Variants in DOCK3 observed in about 807,000 individuals in gnomAD.
DOCK3 encodes dedicator of cytokinesis protein 3.
In DOCK3, 60 loss-of-function variants were observed where a neutral mutation model predicts 265.6. That is an observed-to-expected ratio of 0.23 (90% CI 0.18 to 0.28). The LOEUF is 0.28. DOCK3 is among the 10% of genes least tolerant of loss of function. The pLI is 1.00. For synonymous variants in DOCK3, 881 were observed against 938.0 expected, an observed-to-expected ratio of 0.94 and a Z score of 1.11; for missense variants, 1,981 against 2,594.3, an observed-to-expected ratio of 0.76 and a Z score of 5.14.
intron 5 of DOCK3, among the ~76,000 whole-genome samples, chr3:51,008,411 G>A (rs138763723): frequency 0.057 from 8,684 of 152,030 alleles, 873 homozygotes; most frequent in African/African-American, 0.2. Context: ...GAGTTCACTC[G>A]TGATTTGGCT....
intron 12 of DOCK3, among the ~76,000 whole-genome samples, chr3:51,190,185 T>G (rs1456091408): frequency 6.6e-6 from 1 of 152,214 alleles, no homozygotes; most frequent in East Asian, 1.9e-4. Flanking sequence ...TGATGTGATG[T>G]ACTCCCCCTT....
chr3:51,225,530 TG>T, intron 14 of DOCK3, 118 bp from the exon 15 acceptor site: 1 of 1,445,146 alleles, frequency 6.9e-7, no homozygotes. Context: ...TAACCAAGCT[TG>T]GAATGCCCTG....
At position 50,841,791 on chromosome 3, in the gene DOCK3, T is replaced by A. The variant is rs2045855922; in HGVS notation, c.162+76T>A. ...GTATGTTTGTTTGATATAACAACTC[T>A]TAGTGGTTCATCTTTTAATCTTTTA... On this transcript the variant is annotated intron_variant, in intron 3 of 52. Transcript: ENST00000266037. 6 of 290,266 alleles carry A rather than the reference T, an allele frequency of 2.1e-5. 2 individuals are homozygous for A. In the Admixed American group the frequency reaches 2.6e-4, roughly 13 times the overall value. The allele number at this position is 290,266 out of a possible 1,614,324, so 18.0% of individuals were successfully genotyped here.
At chr3:50,986,966 C>A (rs2077926511) in intron 5 of DOCK3, among the ~76,000 whole-genome samples, 1 of 152,224 alleles carries the variant, frequency 6.6e-6, no homozygotes, top group Admixed American at 6.5e-5. Flanking sequence ...CATACTAACT[C>A]TGTCCGTTCT....
At chr3:50,970,660 A>G (rs2077170511) in intron 5 of DOCK3, among the ~76,000 whole-genome samples, 1 of 146,664 alleles carries the variant, frequency 6.8e-6, no homozygotes, top group African/African-American at 2.5e-5. Flanking sequence ...TTTTTCATTT[A>G]TGTCCTAAAT....
Position 51,383,755 on chromosome 3 carries a change from T to C in DOCK3, c.*2196T>C, listed in dbSNP as rs1194977079. ...AGAGATGAGAACCCTTTGAAAAGAT[T>C]GTAAAATACTGATTTTCATTCTTTC... On this transcript the variant is annotated 3_prime_UTR_variant, in exon 53 of 53. Transcript: ENST00000266037. 6.6e-6 allele frequency: 1 copy of C among 152,642 alleles called. No homozygotes were observed. The allele number at this position is 152,642 out of a possible 1,614,324, so 9.5% of individuals were successfully genotyped here. A position where few individuals can be genotyped will look rare whatever the true frequency, so the allele number is the denominator to read the frequency against.
intron 9 of DOCK3, among the ~76,000 whole-genome samples, chr3:51,131,103 C>T (rs1477094792): frequency 6.6e-6 from 1 of 152,170 alleles, no homozygotes; most frequent in Admixed American, 6.5e-5. Flanking sequence ...CCCTACCAGT[C>T]AGGAAGCCAA....
In DOCK3 at chr3:51,219,201, G is replaced by A. The variant is rs560677938; in HGVS notation, c.1252+4954G>A. On this transcript the variant is annotated intron_variant, in intron 14 of 52. Transcript: ENST00000266037. Reference sequence around the variant, plus strand: ...CTTCAAGTGATGTTTCTTTCTTTTCGTGTTTGTCTTAATTGTTCTTGTTTT... The same window carrying A: ...CTTCAAGTGATGTTTCTTTCTTTTCATGTTTGTCTTAATTGTTCTTGTTTT... 1.7e-4 allele frequency among the ~76,000 whole-genome samples: 26 copies of A among 152,128 alleles called. No individual in the cohort carries two copies. In the South Asian group the frequency reaches 4.4e-3, roughly 26 times the overall value.
At chr3:51,043,565 CA>C (rs1318474366) in intron 5 of DOCK3, among the ~76,000 whole-genome samples, 1 of 151,908 alleles carries the variant, frequency 6.6e-6, no homozygotes, top group Non-Finnish European at 1.5e-5. Context: ...GCAATTGCAA[CA>C]AAAGCAAAAA....
intron 7 of DOCK3, among the ~76,000 whole-genome samples, chr3:51,078,117 G>A (rs900443809): frequency 6.6e-6 from 1 of 151,794 alleles, no homozygotes; most frequent in Non-Finnish European, 1.5e-5. Flanking sequence ...AACAACATAC[G>A]GAAGGAACTT....
At chr3:51,021,134 C>A (rs988844848) in intron 5 of DOCK3, among the ~76,000 whole-genome samples, 1 of 151,894 alleles carries the variant, frequency 6.6e-6, no homozygotes, top group South Asian at 2.1e-4. Context: ...TTTGTCCTCT[C>A]TAATTTCCTT....
intron 1 of DOCK3, among the ~76,000 whole-genome samples, chr3:50,690,190 G>A (rs754361651): frequency 6.7e-6 from 1 of 150,300 alleles, no homozygotes; most frequent in African/African-American, 2.5e-5. Flanking sequence ...CTGGAGTGCA[G>A]TGATGCAGTT....
At chr3:50,750,084 T>A (rs186041669) in intron 1 of DOCK3, among the ~76,000 whole-genome samples, 1 of 152,196 alleles carries the variant, frequency 6.6e-6, no homozygotes, top group Non-Finnish European at 1.5e-5. Context: ...AGCAGGGGTG[T>A]TAGATTCTTA....
At chr3:50,732,266 C>A (rs1265299979) in intron 1 of DOCK3, among the ~76,000 whole-genome samples, 1 of 152,004 alleles carries the variant, frequency 6.6e-6, no homozygotes, top group African/African-American at 2.4e-5. Context: ...GGTGGTGGGG[C>A]TGGGGCAGGG....
intron 5 of DOCK3, among the ~76,000 whole-genome samples, chr3:50,942,533 G>A (rs1334335016): frequency 6.6e-6 from 1 of 151,748 alleles, no homozygotes; most frequent in Non-Finnish European, 1.5e-5. Context: ...AATCCTTTTT[G>A]GTATTAATGT....
intron 1 of DOCK3, among the ~76,000 whole-genome samples, chr3:50,716,884 C>G (rs566556217): frequency 1.6e-4 from 24 of 152,232 alleles, no homozygotes; most frequent in African/African-American, 5.8e-4. Flanking sequence ...CAGTTCTCTA[C>G]TTTTTCCACG....
At chr3:50,794,288 G>T (rs148471313) in intron 2 of DOCK3, among the ~76,000 whole-genome samples, 5 of 152,272 alleles carry the variant, frequency 3.3e-5, no homozygotes, top group Admixed American at 2.6e-4. Flanking sequence ...GAATACCTTT[G>T]TTAATTTCTG....
At chr3:51,050,256 G>A (rs1342539386) in intron 5 of DOCK3, among the ~76,000 whole-genome samples, 1 of 152,022 alleles carries the variant, frequency 6.6e-6, no homozygotes, top group Non-Finnish European at 1.5e-5. Context: ...ACATTATTGT[G>A]CACACCTGTA....
At chr3:51,337,217 T>C (rs748695595) in intron 35 of DOCK3, among the ~76,000 whole-genome samples, 16 of 152,244 alleles carry the variant, frequency 1.1e-4, no homozygotes, top group Non-Finnish European at 1.9e-4. Context: ...GACATTTGGC[T>C]TTGCAGAATA....
Sources: gnomAD v4.1 joint callset for allele counts (sites outside exome capture counted in the v4.1 genomes callset) on GRCh38, gnomAD v4.1.1 for gene constraint, MANE v1.5 for transcripts, NCBI Gene and HGNC (gene_info 2026-07-23, HGNC 2026-07-21) for gene names.